The following CHD7 variants were observed in gnomAD, a reference collection of about 807,000 sequenced individuals.
The protein encoded by CHD7 is chromodomain helicase DNA binding protein 7, also known as ATP-dependent chromatin remodeler CHD7.
In CHD7, 24 loss-of-function variants were observed where a neutral mutation model predicts 307.3. The ratio of observed to expected loss-of-function variants is 0.08; its 90% confidence interval spans 0.06 to 0.11. The LOEUF is 0.11. Ranked by LOEUF, CHD7 falls within the 10% of genes least tolerant of loss-of-function variation. The pLI is 1.00. For missense variants in CHD7, 3,106 were observed against 3,727.1 expected (o/e 0.83, Z 4.34); for synonymous variants, 1,363 against 1,349.9 (o/e 1.01, Z -0.21).
chr8:60,859,482 A>C (rs1169201996), intron 34 of CHD7, among the ~76,000 whole-genome samples: 1 of 152,242 alleles, frequency 6.6e-6, no homozygotes, highest in Non-Finnish European at 1.5e-5. Context: ...GGGGTAGCAC[A>C]TAAATCATAA....
At chr8:60,859,884 A>G (rs1322330849) in intron 34 of CHD7, among the ~76,000 whole-genome samples, 2 of 152,212 alleles carry the variant, frequency 1.3e-5, no homozygotes, top group African/African-American at 4.8e-5. Context: ...GTGATGTGAC[A>G]TAATTTTTTG....
chr8:60,848,747 C>T (rs994331266), intron 24 of CHD7, 143 bp downstream of exon 24: 45 of 718,412 alleles, frequency 6.3e-5, no homozygotes, highest in Middle Eastern at 5.7e-4. Flanking sequence ...ATTTGTCCTT[C>T]GTGCTTGGGG....
Position 60,801,568 on chromosome 8 carries a change from T to C in CHD7, c.2417T>C (p.Met806Thr). ...GAAGGCCCAGTGGTAGAAAAAATTA[T>C]GAGCAGTCGTTCAGTAAAAAAGCAG... Reference protein sequence around the residue: ...DAEGPVVEKIMSSRSVKKQKE... With the variant: ...DAEGPVVEKITSSRSVKKQKE... The change falls in exon 6 of 38, where the codon ATG (methionine) becomes ACG (threonine). Residue 806 changes from methionine to threonine, a missense_variant. Around this residue, in one of 10 missense-constraint regions of CHD7, gnomAD observed 188 missense variants for 261.7 expected, o/e 0.72. Coordinates refer to ENST00000423902, the MANE Select transcript of CHD7 (RefSeq NM_017780.4). 6.3e-7 allele frequency: 1 copy of C among 1,575,030 alleles called. No individual in the cohort carries two copies. The highest frequency in any genetic ancestry group is 2.3e-5 in the East Asian group (1 of 43,216).
intron 23 of CHD7, among the ~76,000 whole-genome samples, chr8:60,847,718 A>T (rs1285210473): frequency 1.3e-5 from 2 of 152,226 alleles, no homozygotes; most frequent in Non-Finnish European, 2.9e-5. Context: ...TTCGCCATTG[A>T]GAAACTCCAT....
intron 1 of CHD7, among the ~76,000 whole-genome samples, chr8:60,716,315 A>G (rs920041910): frequency 6.6e-6 from 1 of 152,194 alleles, no homozygotes; most frequent in Non-Finnish European, 1.5e-5. Flanking sequence ...TCCTCTGCTG[A>G]AAGCAGTTCG....
At position 60,811,532 on chromosome 8, in the gene CHD7, T is replaced by C. The variant is rs117196456; in HGVS notation, c.2498+3260T>C. ...CTCATTCTTTGTTTCAGCTGTATAATATTCCATTGCATGACTGCCGTAACC... is the reference window on the plus strand; with the variant it reads ...CTCATTCTTTGTTTCAGCTGTATAACATTCCATTGCATGACTGCCGTAACC... On this transcript the variant is annotated intron_variant, in intron 7 of 37. Transcript: ENST00000423902. Among the ~76,000 whole-genome samples, 198 of 152,370 alleles carry C rather than the reference T, an allele frequency of 1.3e-3. 4 individuals carry two copies. The East Asian group carries it at 0.034, about 26-fold the overall frequency.
chr8:60,778,141 G>A (rs895589050), intron 2 of CHD7, among the ~76,000 whole-genome samples: 1 of 152,076 alleles, frequency 6.6e-6, no homozygotes, highest in Non-Finnish European at 1.5e-5. Context: ...GACTTTGTCA[G>A]GGTATTACTG....
Position 60,856,776 on chromosome 8 carries a change from A to G in CHD7, c.7496A>G (p.Asn2499Ser). The G allele has an allele frequency of 6.2e-7, 1 of 1,613,766 alleles. No individual in the cohort carries two copies. The highest frequency in any genetic ancestry group is 8.5e-7 in the Non-Finnish European group (1 of 1,179,742). Residue 2499 changes from asparagine to serine, a missense_variant, in exon 34 of 38, where the codon AAT becomes AGT. By Grantham distance (46) the Asn-to-Ser change is conservative (BLOSUM62 1). This residue lies in a region of CHD7 where 1,030 missense variants were observed against 1,165.4 expected (regional missense o/e 0.88). Transcript: ENST00000423902. ...CGCACACCCACAAGGCATCTCCTTA[A>G]TGGCTCCCTAGTGGATGGAGAGCCT... ...LSRTPTRHLL[N>S]GSLVDGEPPM...
At chr8:60,840,605 A>G (rs926627229) in intron 19 of CHD7, among the ~76,000 whole-genome samples, 6 of 144,920 alleles carry the variant, frequency 4.1e-5, no homozygotes, top group Non-Finnish European at 6.0e-5. Context: ...CAATAATTTT[A>G]CCTTTTAAAG....
intron 34 of CHD7, among the ~76,000 whole-genome samples, chr8:60,858,563 TTTTG>T (rs1298552384): frequency 1.3e-5 from 2 of 152,228 alleles, no homozygotes; most frequent in African/African-American, 4.8e-5. Flanking sequence ...TGACACTTCT[TTTTG>T]TTTGTTATCA....
intron 24 of CHD7, 64 bp downstream of exon 24, chr8:60,848,668 A>C (rs998230196): frequency 2.3e-6 from 3 of 1,292,036 alleles, no homozygotes; most frequent in Non-Finnish European, 3.3e-6. Flanking sequence ...GGAAAACATC[A>C]TGGATTGTGT....
At chr8:60,721,648 C>T (rs1807911756) in intron 1 of CHD7, among the ~76,000 whole-genome samples, 1 of 152,218 alleles carries the variant, frequency 6.6e-6, no homozygotes, top group African/African-American at 2.4e-5. Flanking sequence ...TTAGGATTGA[C>T]ATGAGAAGTC....
intron 1 of CHD7, among the ~76,000 whole-genome samples, chr8:60,691,101 T>C (rs1473652954): frequency 6.6e-6 from 1 of 152,106 alleles, no homozygotes; most frequent in East Asian, 1.9e-4. Flanking sequence ...AATTTTTATA[T>C]TTTTAGTAGA....
In CHD7 at chr8:60,842,071, G is replaced by A. The variant is rs746769941; in HGVS notation, c.4850+19G>A. 1.7e-5 allele frequency: 27 copies of A among 1,574,444 alleles called. No individual in the cohort carries two copies. The highest frequency in any genetic ancestry group is 1.7e-4 in the Middle Eastern group (1 of 5,914). On this transcript the variant is annotated intron_variant, in intron 21 of 37. Transcript: ENST00000423902. The stretch of plus-strand genomic sequence containing the variant: ...TCTATGGGTAAGTAGGACTCACTAC[G>A]TAAGATAGAATTTTATTGTAACAGT...
rs1400240036 is a variant in CHD7 at position 60,867,471 on chromosome 8, T to A, written c.*1538T>A. Reference sequence around the variant, plus strand: ...GGAGCTACTGATTTGTGGACCCCTTTTTGACCTTTGGTATTTAAAGTAAAA... The same window carrying A: ...GGAGCTACTGATTTGTGGACCCCTTATTGACCTTTGGTATTTAAAGTAAAA... On this transcript the variant is annotated 3_prime_UTR_variant, in exon 38 of 38. Transcript: ENST00000423902. The A allele has an allele frequency of 6.6e-6, 1 of 152,242 alleles. No individual in the cohort carries two copies. Among genetic ancestry groups the A allele is most frequent in the African/African-American group, 2.4e-5 (1 of 41,466 alleles). 9.4% of individuals were successfully genotyped at this position (152,242 alleles called of 1,614,324 possible).
At chr8:60,846,442 A>G (rs764462020) in intron 23 of CHD7, among the ~76,000 whole-genome samples, 18 of 152,202 alleles carry the variant, frequency 1.2e-4, no homozygotes, top group Non-Finnish European at 1.9e-4. Context: ...TTCCTATTAA[A>G]CTAACATCTG....
At chr8:60,849,657 A>G (rs919894137) in intron 25 of CHD7, among the ~76,000 whole-genome samples, 1 of 152,206 alleles carries the variant, frequency 6.6e-6, no homozygotes, top group African/African-American at 2.4e-5. Flanking sequence ...CTGGCATGAT[A>G]TATACAGTGA....
At chr8:60,761,261 A>G (rs1217457288) in intron 2 of CHD7, among the ~76,000 whole-genome samples, 1 of 147,142 alleles carries the variant, frequency 6.8e-6, no homozygotes, top group African/African-American at 2.5e-5. Flanking sequence ...CAAACACCGC[A>G]TATTCTCACT....
chr8:60,784,494 GC>G, intron 3 of CHD7, among the ~76,000 whole-genome samples: 1 of 152,302 alleles, frequency 6.6e-6, no homozygotes, highest in Admixed American at 6.5e-5. Context: ...AAAGGAATCG[GC>G]CCGAGGGTGC....
Sources: gnomAD v4.1 joint callset for allele counts (sites outside exome capture counted in the v4.1 genomes callset) on GRCh38, gnomAD v4.1.1 for gene constraint, gnomAD v4.1.1 regional missense constraint, MANE v1.5 for transcripts, NCBI Gene and HGNC (gene_info 2026-07-23, HGNC 2026-07-21) for gene names.